RBPJ: variants seen among roughly 807,000 people sequenced by gnomAD.
The protein encoded by RBPJ is recombining binding protein suppressor of hairless.
A neutral mutation model predicts 67.8 loss-of-function variants in RBPJ; 9 were observed. That is an observed-to-expected ratio of 0.13 (90% CI 0.08 to 0.23). The LOEUF (loss-of-function observed/expected upper bound fraction) is 0.23. Among genes scored for constraint, RBPJ ranks in the 10% least tolerant of loss-of-function variants. RBPJ has a pLI of 1.00. For synonymous variants in RBPJ, 198 were observed against 203.3 expected (o/e 0.97, Z 0.22); for missense variants, 305 against 595.6 (o/e 0.51, Z 5.08).
intron 1 of RBPJ, among the ~76,000 whole-genome samples, chr4:26,215,369 A>AGAAG (rs1560214772): frequency 4.2e-4 from 36 of 85,994 alleles, no homozygotes; most frequent in African/African-American, 2.1e-3. Flanking sequence ...GAAGGAAGGA[A>AGAAG]GGAAGAAGGG....
chr4:26,414,522 G>A (rs1734365519), intron 3 of RBPJ, among the ~76,000 whole-genome samples: 1 of 152,066 alleles, frequency 6.6e-6, no homozygotes, highest in African/African-American at 2.4e-5. Flanking sequence ...TACTTATGTG[G>A]CTACTATAGT....
intron 1 of RBPJ, among the ~76,000 whole-genome samples, chr4:26,283,451 A>G (rs1381484712): frequency 6.6e-6 from 1 of 150,924 alleles, no homozygotes; most frequent in East Asian, 2.0e-4. Context: ...AGGCTGAGGC[A>G]GAAGAATCAC....
intron 1 of RBPJ, among the ~76,000 whole-genome samples, chr4:26,239,769 T>G (rs1281855490): frequency 6.8e-6 from 1 of 146,848 alleles, no homozygotes; most frequent in Non-Finnish European, 1.5e-5. Context: ...AGGAGAGACC[T>G]GGGTAGAGTT....
chr4:26,409,267 G>A (rs549211381), intron 3 of RBPJ, among the ~76,000 whole-genome samples: 1 of 152,102 alleles, frequency 6.6e-6, no homozygotes, highest in South Asian at 2.1e-4. Flanking sequence ...CTGTTTGTTA[G>A]TTACTGTTAA....
intron 1 of RBPJ, among the ~76,000 whole-genome samples, chr4:26,168,725 G>C (rs1458974444): frequency 6.6e-6 from 1 of 152,128 alleles, no homozygotes; most frequent in Non-Finnish European, 1.5e-5. Flanking sequence ...ACGCAGATTT[G>C]GTCTTTTCAC....
At chr4:26,374,460 C>G (rs1247636048) in intron 1 of RBPJ, among the ~76,000 whole-genome samples, 1 of 147,070 alleles carries the variant, frequency 6.8e-6, no homozygotes, top group Non-Finnish European at 1.5e-5. Flanking sequence ...CATAAAAATT[C>G]ATATCCGGTC....
At position 26,354,534 on chromosome 4, in the gene RBPJ, C is replaced by T. The variant is rs979553464; in HGVS notation, c.21-31819C>T. ...GTATGATCTCAGCTTATTGCCACCT[C>T]CACTTCCTGGGTTCAACCGATTCTC... On this transcript the variant is annotated intron_variant, in intron 1 of 10. Coordinates refer to ENST00000355476, the MANE Select transcript of RBPJ (RefSeq NM_015874.6). 2.7e-5 allele frequency among the ~76,000 whole-genome samples: 4 copies of T among 149,826 alleles called. No homozygotes were observed. The East Asian group carries it at 7.9e-4, about 29-fold the overall frequency.
chr4:26,197,206 C>T (rs200107871), intron 1 of RBPJ, among the ~76,000 whole-genome samples: 2 of 152,064 alleles, frequency 1.3e-5, no homozygotes, highest in East Asian at 3.8e-4. Flanking sequence ...GACCAGTGCT[C>T]GGTTGTCCTA....
At chr4:26,163,081 T>A (rs1376300659), upstream of RBPJ, among the ~76,000 whole-genome samples, 1 of 152,194 alleles carries the variant, frequency 6.6e-6, no homozygotes, top group Non-Finnish European at 1.5e-5. Context: ...GACCAAATGA[T>A]GGTGAAGGCC....
Position 26,244,235 on chromosome 4 carries a change from GTC to G in RBPJ, c.-167+80623_-167+80624del, listed in dbSNP as rs1206090336. Among the ~76,000 whole-genome samples, 29 of 43,758 alleles carry G rather than the reference GTC, an allele frequency of 6.6e-4. 1 individual carries two copies. The highest frequency in any genetic ancestry group is 1.1e-3 in the Non-Finnish European group (22 of 19,652). 28.7% of individuals were successfully genotyped at this position (43,758 alleles called of 152,430 possible). ...TACACATATGTGTACACATATATGT[GTC>G]TATATATGTGTACACATACACATAT... On this transcript the variant is annotated intron_variant, in intron 1 of 4. Coordinates refer to the RBPJ transcript ENST00000512351.
At chr4:26,115,636 G>A in the RBPJ span, among the ~76,000 whole-genome samples, 4 of 152,072 alleles carry the variant, frequency 2.6e-5, no homozygotes, top group East Asian at 1.9e-4. Context: ...CACCCGCCTC[G>A]GCCTCCCAAA....
intron 1 of RBPJ, among the ~76,000 whole-genome samples, chr4:26,199,360 G>A (rs755275513): frequency 1.3e-5 from 2 of 152,178 alleles, no homozygotes; most frequent in African/African-American, 4.8e-5. Flanking sequence ...ACTTGAACCC[G>A]GGAGGTGGAG....
At chr4:26,207,161 C>T (rs892844046) in intron 1 of RBPJ, among the ~76,000 whole-genome samples, 2 of 152,112 alleles carry the variant, frequency 1.3e-5, no homozygotes, top group African/African-American at 4.8e-5. Context: ...AATGGAAAAC[C>T]TTAGCAAATA....
At chr4:26,182,051 T>A (rs1472531030) in intron 1 of RBPJ, among the ~76,000 whole-genome samples, 1 of 152,236 alleles carries the variant, frequency 6.6e-6, no homozygotes, top group East Asian at 1.9e-4. Flanking sequence ...TTTAAAACTT[T>A]TTGACTCTTG....
intron 3 of RBPJ, among the ~76,000 whole-genome samples, chr4:26,408,040 A>G (rs755216039): frequency 1.3e-5 from 2 of 151,208 alleles, no homozygotes; most frequent in Non-Finnish European, 3.0e-5. Flanking sequence ...ATGGCCAGCT[A>G]ATTTTTGTAT....
intron 1 of RBPJ, among the ~76,000 whole-genome samples, chr4:26,364,639 T>C (rs1333564493): frequency 1.3e-4 from 19 of 150,250 alleles, no homozygotes; most frequent in African/African-American, 4.7e-4. Context: ...TTTTTTTTTT[T>C]TTCTTGAAAT....
chr4:26,221,470 A>C (rs1460701145), intron 1 of RBPJ, among the ~76,000 whole-genome samples: 1 of 152,040 alleles, frequency 6.6e-6, no homozygotes, highest in African/African-American at 2.4e-5. Flanking sequence ...AATCCTGTTA[A>C]GGGACCAACA....
intron 2 of RBPJ, among the ~76,000 whole-genome samples, chr4:26,390,367 GATTTC>G (rs1026387992): frequency 8.5e-5 from 13 of 152,126 alleles, no homozygotes; most frequent in African/African-American, 3.1e-4. Context: ...TGCTTTCACA[GATTTC>G]ATTTAACATT....
intron 4 of RBPJ, among the ~76,000 whole-genome samples, chr4:26,418,166 C>G (rs1734774889): frequency 6.6e-6 from 1 of 152,222 alleles, no homozygotes; most frequent in East Asian, 1.9e-4. Context: ...GGTATTTCTT[C>G]TTTCTTTCAG....
Sources: allele counts gnomAD v4.1 joint callset (sites outside exome capture counted in the v4.1 genomes callset), GRCh38; gene constraint gnomAD v4.1.1; transcripts MANE v1.5; gene names NCBI Gene and HGNC (gene_info 2026-07-23, HGNC 2026-07-21).